Variants in CMIP observed in about 807,000 individuals in gnomAD.
CMIP encodes the protein c-Maf inducing protein, also known as C-Maf-inducing protein.
CMIP carries 13 observed loss-of-function variants against 97.3 expected under a neutral mutation model. The observed-to-expected ratio is 0.13, with a 90% CI of 0.09 to 0.21. The LOEUF is 0.21. Among genes scored for constraint, CMIP ranks in the 10% least tolerant of loss-of-function variants. CMIP has a pLI of 1.00. For missense variants in CMIP, 847 were observed against 1,024.9 expected, an observed-to-expected ratio of 0.83 and a Z score of 2.37; for synonymous variants, 538 against 436.3, an observed-to-expected ratio of 1.23 and a Z score of -2.91.
intron 1 of CMIP, among the ~76,000 whole-genome samples, chr16:81,545,563 T>C (rs2090529995): frequency 6.6e-6 from 1 of 152,130 alleles, no homozygotes; most frequent in Non-Finnish European, 1.5e-5. Flanking sequence ...TCCAGCATCC[T>C]CCTCCATCTA....
intron 1 of CMIP, chr16:81,495,411 CGG>C (rs2150770774): frequency 6.3e-7 from 1 of 1,583,102 alleles, no homozygotes; most frequent in Non-Finnish European, 8.6e-7. Flanking sequence ...CCAAGCCGGC[CGG>C]GCTGCCGCTC....
chr16:81,565,254 A>G (rs2090958740), intron 1 of CMIP, among the ~76,000 whole-genome samples: 1 of 152,180 alleles, frequency 6.6e-6, no homozygotes. Context: ...ACCATGGCCC[A>G]CCTTCCAAAG....
intron 1 of CMIP, chr16:81,518,995 TG>T (rs892973973): frequency 2.0e-5 from 3 of 152,216 alleles, no homozygotes; most frequent in Admixed American, 2.0e-4. Context: ...GCGCCACGCC[TG>T]GCTAATTTTT....
chr16:81,489,197 A>C (rs1041909868), intron 1 of CMIP, among the ~76,000 whole-genome samples: 1 of 152,140 alleles, frequency 6.6e-6, no homozygotes, highest in Non-Finnish European at 1.5e-5. Context: ...GAGGGGTACG[A>C]TGTGCCCATA....
chr16:81,515,591 C>T (rs551348543), intron 1 of CMIP, among the ~76,000 whole-genome samples: 14 of 152,314 alleles, frequency 9.2e-5, no homozygotes, highest in Non-Finnish European at 1.6e-4. Flanking sequence ...ATCAGGAAAT[C>T]ACAGGGCTGG....
At chr16:81,544,683 G>A (rs1185472737) in intron 1 of CMIP, among the ~76,000 whole-genome samples, 1 of 151,364 alleles carries the variant, frequency 6.6e-6, no homozygotes, top group Non-Finnish European at 1.5e-5. Flanking sequence ...TGGTGTATGG[G>A]TATTTGTATG....
chr16:81,489,764 G>A (rs528491444), intron 1 of CMIP, among the ~76,000 whole-genome samples: 145 of 152,348 alleles, frequency 9.5e-4, no homozygotes, highest in African/African-American at 3.3e-3. Flanking sequence ...GTAGTGCCCA[G>A]CGAAGGGCCC....
At chr16:81,559,274 G>A (rs1416471482) in intron 1 of CMIP, among the ~76,000 whole-genome samples, 1 of 152,202 alleles carries the variant, frequency 6.6e-6, no homozygotes, top group African/African-American at 2.4e-5. Flanking sequence ...ACCCCCAAGA[G>A]TGGGGTGAAG....
intron 2 of CMIP, chr16:81,620,646 A>G: frequency 2.0e-6 from 1 of 512,672 alleles, no homozygotes; most frequent in Non-Finnish European, 3.5e-6. Context: ...CAAAGGAAGC[A>G]CACGGTGCTA....
chr16:81,581,279 T>A (rs563705547), intron 1 of CMIP, among the ~76,000 whole-genome samples: 1 of 152,332 alleles, frequency 6.6e-6, no homozygotes, highest in African/African-American at 2.4e-5. Context: ...ACGATGGGGA[T>A]ACGTTCCGGG....
At chr16:81,494,981 C>T (rs755661722) in intron 1 of CMIP, among the ~76,000 whole-genome samples, 27 of 152,146 alleles carry the variant, frequency 1.8e-4, no homozygotes, top group Non-Finnish European at 3.5e-4. Flanking sequence ...AGCCATGGAT[C>T]ATAGAGCTAG....
At chr16:81,578,611 A>G (rs2091242396) in intron 1 of CMIP, among the ~76,000 whole-genome samples, 1 of 152,178 alleles carries the variant, frequency 6.6e-6, no homozygotes, top group Non-Finnish European at 1.5e-5. Context: ...CAGTCCATAA[A>G]GTATGAAATC....
At chr16:81,664,561 C>A (rs1450077219) in intron 7 of CMIP, 2 of 577,246 alleles carry the variant, frequency 3.5e-6, no homozygotes, top group East Asian at 5.7e-5. Context: ...TTTTGCAGTT[C>A]CTAAGAATTA....
At chr16:81,499,943 C>A (rs540579463) in intron 1 of CMIP, among the ~76,000 whole-genome samples, 2 of 152,382 alleles carry the variant, frequency 1.3e-5, no homozygotes, top group Non-Finnish European at 1.5e-5. Flanking sequence ...GGGCGCCCCA[C>A]GCACTCTGGG....
chr16:81,708,515 A>AT (rs1264235530), intron 20 of CMIP, among the ~76,000 whole-genome samples: 3 of 152,188 alleles, frequency 2.0e-5, no homozygotes, highest in African/African-American at 7.2e-5. Context: ...CTTTCAGTCG[A>AT]TTTTTTTATT....
chr16:81,613,018 C>G (rs1447103166), intron 2 of CMIP, among the ~76,000 whole-genome samples: 1 of 152,194 alleles, frequency 6.6e-6, no homozygotes, highest in Non-Finnish European at 1.5e-5. Flanking sequence ...TCAGCTTTCC[C>G]TTTGCTTGGA....
intron 3 of CMIP, among the ~76,000 whole-genome samples, chr16:81,638,631 C>G (rs1189896469): frequency 6.6e-6 from 1 of 152,156 alleles, no homozygotes; most frequent in Non-Finnish European, 1.5e-5. Flanking sequence ...TGGAGAAGAA[C>G]CCGGCAGCTT....
intron 1 of CMIP, among the ~76,000 whole-genome samples, chr16:81,467,783 C>G (rs1597454059): frequency 6.6e-6 from 1 of 151,256 alleles, no homozygotes; most frequent in South Asian, 2.1e-4. Flanking sequence ...GTTTCGCCAT[C>G]TTGCCCAGGC....
chr16:81,509,034 G>C (rs961116185), intron 1 of CMIP, among the ~76,000 whole-genome samples: 2 of 152,296 alleles, frequency 1.3e-5, no homozygotes, highest in South Asian at 4.1e-4. Context: ...AAGAGCAGCA[G>C]CTTTTATGAT....
Sources: allele counts gnomAD v4.1 joint callset (sites outside exome capture counted in the v4.1 genomes callset), GRCh38; gene constraint gnomAD v4.1.1; transcripts MANE v1.5; gene names NCBI Gene and HGNC (gene_info 2026-07-23, HGNC 2026-07-21).